The following IGSF11 variants were observed in gnomAD, a reference collection of about 807,000 sequenced individuals.
IGSF11 encodes the protein immunoglobulin superfamily member 11.
In IGSF11, 22 loss-of-function variants were observed where a neutral mutation model predicts 41.0. That is an observed-to-expected ratio of 0.54 (90% CI 0.38 to 0.77). IGSF11 has a LOEUF of 0.77. Ranked by LOEUF, IGSF11 falls within the 30% of genes least tolerant of loss-of-function variation. The pLI, the probability that IGSF11 is intolerant of heterozygous loss-of-function variation, is 0.00. For missense variants in IGSF11, 444 were observed against 530.8 expected (o/e 0.84, Z 1.61); for synonymous variants, 219 against 201.3 (o/e 1.09, Z -0.74).
chr3:119,039,433 G>A (rs1941033620), upstream of IGSF11, among the ~76,000 whole-genome samples: 1 of 152,094 alleles, frequency 6.6e-6, no homozygotes, highest in South Asian at 2.1e-4. Context: ...AAGGATCCTC[G>A]TGATTACACT....
At chr3:118,970,188 G>T (rs925165820) in intron 1 of IGSF11, among the ~76,000 whole-genome samples, 2 of 152,126 alleles carry the variant, frequency 1.3e-5, no homozygotes, top group Non-Finnish European at 2.9e-5. Flanking sequence ...TTCATGCCTA[G>T]AATTTGACAT....
intron 1 of IGSF11, among the ~76,000 whole-genome samples, chr3:119,083,480 G>C (rs1439468824): frequency 6.7e-6 from 1 of 149,412 alleles, no homozygotes; most frequent in Non-Finnish European, 1.5e-5. Flanking sequence ...TTGATCTATA[G>C]AACAAACACT....
chr3:119,058,132 T>C (rs1028059026), intron 1 of IGSF11, among the ~76,000 whole-genome samples: 3,014 of 152,222 alleles, frequency 0.02, 89 homozygotes, highest in African/African-American at 0.069. Flanking sequence ...TGGGATCTAA[T>C]TAAACTCAAG....
At chr3:119,046,164 GAGA>G (rs1274750806) in intron 1 of IGSF11, among the ~76,000 whole-genome samples, 1 of 150,818 alleles carries the variant, frequency 6.6e-6, no homozygotes. Context: ...GACGAGCTGA[GAGA>G]AGAAGGCTTC....
At chr3:118,903,926 G>C (rs1939250695) in intron 6 of IGSF11, among the ~76,000 whole-genome samples, 2 of 152,186 alleles carry the variant, frequency 1.3e-5, no homozygotes, top group African/African-American at 2.4e-5. Flanking sequence ...TCCAGGAAGA[G>C]AGCAGAGGCT....
At chr3:118,996,681 C>G (rs544719340) in intron 1 of IGSF11, among the ~76,000 whole-genome samples, 1 of 151,874 alleles carries the variant, frequency 6.6e-6, no homozygotes, top group East Asian at 1.9e-4. Context: ...CTCACTGCAA[C>G]CTCTGCCTCC....
At chr3:118,977,291 C>T (rs1453551788) in intron 1 of IGSF11, among the ~76,000 whole-genome samples, 1 of 152,116 alleles carries the variant, frequency 6.6e-6, no homozygotes, top group Non-Finnish European at 1.5e-5. Flanking sequence ...TTCTGTTGCC[C>T]TCAGACAGGC....
chr3:119,139,763 C>A (rs1394841549), intron 1 of IGSF11, among the ~76,000 whole-genome samples: 1 of 152,190 alleles, frequency 6.6e-6, no homozygotes, highest in Non-Finnish European at 1.5e-5. Flanking sequence ...CTCTTTCCTT[C>A]TCCTACCTGT....
intron 1 of IGSF11, among the ~76,000 whole-genome samples, chr3:119,115,844 T>C (rs1262302416): frequency 6.6e-6 from 1 of 152,096 alleles, no homozygotes; most frequent in African/African-American, 2.4e-5. Flanking sequence ...AAATTAGTGG[T>C]TTACCATTTG....
Position 118,928,689 on chromosome 3 carries a change from A to C in IGSF11, c.244T>G (p.Phe82Val), listed in dbSNP as rs780520849. The change falls in exon 3 of 7, where the codon TTT becomes GTT. Residue 82 changes from phenylalanine to valine, a missense_variant. This residue lies in a region of IGSF11 where 193 missense variants were observed against 283.5 expected (regional missense o/e 0.68). Coordinates refer to ENST00000393775, the MANE Select transcript of IGSF11 (RefSeq NM_001015887.3). ...QVILYQGGQMFDGAPRFHGRV... is the reference protein window; with the variant it reads ...QVILYQGGQMVDGAPRFHGRV... Reference sequence around the variant, plus strand: ...CCGTGGAACCGGGGGGCACCATCAAACATCTGTCCACCCTGATACAGGATG... The same window carrying C: ...CCGTGGAACCGGGGGGCACCATCAACCATCTGTCCACCCTGATACAGGATG... The C allele has an allele frequency of 6.2e-7, 1 of 1,613,890 alleles. No individual in the cohort carries two copies. Among genetic ancestry groups the C allele is most frequent in the South Asian group, 1.1e-5 (1 of 91,056 alleles).
At chr3:119,048,183 G>T (rs369242461) in intron 1 of IGSF11, among the ~76,000 whole-genome samples, 1 of 152,012 alleles carries the variant, frequency 6.6e-6, no homozygotes, top group Non-Finnish European at 1.5e-5. Flanking sequence ...CACACAAAAC[G>T]CTTCAAAAAA....
chr3:119,140,165 G>A (rs574507189), intron 1 of IGSF11, among the ~76,000 whole-genome samples: 1 of 151,940 alleles, frequency 6.6e-6, no homozygotes, highest in East Asian at 1.9e-4. Context: ...AAAAGGCAGA[G>A]ATAGTCAGAA....
chr3:119,023,424 T>C (rs1007396649), intron 1 of IGSF11, among the ~76,000 whole-genome samples: 1 of 152,174 alleles, frequency 6.6e-6, no homozygotes, highest in Non-Finnish European at 1.5e-5. Context: ...CATGCACTTT[T>C]ACAGCATAGT....
At chr3:118,975,617 T>G (rs879257526) in intron 1 of IGSF11, among the ~76,000 whole-genome samples, 3 of 152,128 alleles carry the variant, frequency 2.0e-5, no homozygotes, top group African/African-American at 4.8e-5. Context: ...GGAATCAACC[T>G]AGGTGGCCAT....
Position 118,929,536 on chromosome 3 carries a change from T to A in IGSF11, c.216+576A>T, listed in dbSNP as rs148985358. On this transcript the variant is annotated intron_variant, in intron 2 of 6. Transcript: ENST00000393775. Reference sequence around the variant, plus strand: ...TAATCATTATCACAATTCATTAACTTCCTGAGCATTATTTTCTGCAGTGAG... The same window carrying A: ...TAATCATTATCACAATTCATTAACTACCTGAGCATTATTTTCTGCAGTGAG... 3.8e-3 allele frequency among the ~76,000 whole-genome samples: 573 copies of A among 152,320 alleles called. 1 individual carries two copies. The highest frequency in any genetic ancestry group is 0.01 in the Middle Eastern group (3 of 294).
intron 1 of IGSF11, among the ~76,000 whole-genome samples, chr3:119,140,862 G>T (rs1297437182): frequency 7.6e-6 from 1 of 131,990 alleles, no homozygotes; most frequent in Non-Finnish European, 1.5e-5. Flanking sequence ...TGGCTAACAT[G>T]GCGAAACCCC....
chr3:118,949,001 T>G (rs1944378941), intron 1 of IGSF11, among the ~76,000 whole-genome samples: 1 of 149,854 alleles, frequency 6.7e-6, no homozygotes, highest in Non-Finnish European at 1.5e-5. Context: ...AAGCAAACAT[T>G]ACATTTAAAG....
chr3:118,911,103 G>A (rs977006491), intron 4 of IGSF11, among the ~76,000 whole-genome samples: 7 of 151,988 alleles, frequency 4.6e-5, no homozygotes, highest in African/African-American at 1.5e-4. Context: ...AGAGTAAGGT[G>A]TATGTTTATG....
intron 4 of IGSF11, among the ~76,000 whole-genome samples, chr3:118,922,425 G>T (rs1941890739): frequency 6.6e-6 from 1 of 151,996 alleles, no homozygotes; most frequent in Admixed American, 6.6e-5. Context: ...GTGTGTGTGT[G>T]TGTGGCTGGG....
Sources: allele counts gnomAD v4.1 joint callset (sites outside exome capture counted in the v4.1 genomes callset), GRCh38; gene constraint gnomAD v4.1.1; regional missense constraint gnomAD v4.1.1; transcripts MANE v1.5; gene names NCBI Gene and HGNC (gene_info 2026-07-23, HGNC 2026-07-21).